Variants in KDELR3 observed in about 807,000 individuals in gnomAD.
KDELR3 encodes ER lumen protein-retaining receptor 3.
KDELR3 carries 26 observed loss-of-function variants against 22.7 expected under a neutral mutation model. The ratio of observed to expected loss-of-function variants is 1.15; its 90% confidence interval spans 0.84 to 1.59. The LOEUF is 1.59. Among genes scored for constraint, KDELR3 ranks in the 40% most tolerant of loss-of-function variants. KDELR3 has a pLI of 0.00. For missense variants in KDELR3, 289 were observed against 251.1 expected (o/e 1.15, Z -1.02); for synonymous variants, 120 against 98.2 (o/e 1.22, Z -1.31).
chr22:38,482,501 A>C lies in KDELR3; in HGVS notation c.610A>C (p.Lys204Gln). Reference protein sequence around the residue: ...FFYLYVTKVLKGKKLSLPMPI With the variant: ...FFYLYVTKVLQGKKLSLPMPI ...TCATCTCCATTTTCTTCCAGTCCTT[A>C]AGGGAAAGAAGTTAAGTCTTCCAAT... The change falls in exon 5 of 5, where the codon AAG becomes CAG. Residue 204 changes from lysine (K) to glutamine (Q), a missense_variant. Physicochemically the swap from Lys to Gln is moderately conservative, Grantham distance 53 (BLOSUM62 1). Coordinates refer to ENST00000216014, the MANE Select transcript of KDELR3 (RefSeq NM_006855.4). The C allele has an allele frequency of 6.2e-7, 1 of 1,611,960 alleles. No homozygotes were observed. The highest frequency in any genetic ancestry group is 8.5e-7 in the Non-Finnish European group (1 of 1,177,970).
chr22:38,468,173 G>A lies in KDELR3; in HGVS notation c.-61G>A. On this transcript the variant is annotated 5_prime_UTR_variant, in exon 1 of 5. Transcript: ENST00000216014. The stretch of plus-strand genomic sequence containing the variant: ...GGGCCGGAGACGTGGCAGCCGCCCT[G>A]CCCGCCAGAAAGTTTCCTAGAAGTT... 1 of 1,507,116 alleles carries A rather than the reference G, an allele frequency of 6.6e-7. No individual in the cohort carries two copies. Among genetic ancestry groups the A allele is most frequent in the Admixed American group, 1.7e-5 (1 of 57,990 alleles). 93.4% of individuals were successfully genotyped at this position (1,507,116 alleles called of 1,614,324 possible). A position where few individuals can be genotyped will look rare whatever the true frequency, so the allele number is the denominator to read the frequency against.
chr22:38,472,432 G>A (rs1337499474), intron 1 of KDELR3, among the ~76,000 whole-genome samples: 2 of 151,860 alleles, frequency 1.3e-5, no homozygotes, highest in Non-Finnish European at 2.9e-5. Context: ...AGTCGAGATC[G>A]CACCACTGCA....
At chr22:38,477,917 T>C (rs1191609878) in intron 2 of KDELR3, among the ~76,000 whole-genome samples, 1 of 152,178 alleles carries the variant, frequency 6.6e-6, no homozygotes, top group Non-Finnish European at 1.5e-5. Flanking sequence ...TCTACATTTA[T>C]GAAATGAAAA....
intron 1 of KDELR3, chr22:38,474,263 G>T: frequency 2.8e-6 from 1 of 356,592 alleles, no homozygotes; most frequent in Non-Finnish European, 5.2e-6. Context: ...CACGCAGGGG[G>T]ACTGGGAACT....
chr22:38,473,897 C>A (rs2089540599), intron 1 of KDELR3, among the ~76,000 whole-genome samples: 1 of 152,046 alleles, frequency 6.6e-6, no homozygotes. Context: ...TCACTTGAAC[C>A]CAGGAGGCAG....
chr22:38,471,497 C>A (rs2089524833), intron 1 of KDELR3, among the ~76,000 whole-genome samples: 1 of 152,200 alleles, frequency 6.6e-6, no homozygotes, highest in South Asian at 2.1e-4. Context: ...GTGCTAGACC[C>A]CCCAGAGGGA....
intron 4 of KDELR3, among the ~76,000 whole-genome samples, chr22:38,482,059 A>G (rs1198527220): frequency 1.3e-5 from 2 of 152,206 alleles, no homozygotes; most frequent in Non-Finnish European, 2.9e-5. Context: ...GGCTTGCACT[A>G]CATTCTGATT....
Position 38,481,408 on chromosome 22 carries a change from C to A in KDELR3, c.548C>A (p.Ser183Tyr). The A allele has an allele frequency of 1.2e-6, 2 of 1,614,154 alleles. No individual in the cohort carries two copies. The highest frequency in any genetic ancestry group is 1.7e-6 in the Non-Finnish European group (2 of 1,180,020). ...ENFYDQIAVV[S>Y]GVVQTIFYCD... ...TTCTATGACCAAATTGCAGTCGTGT[C>A]TGGAGTAGTACAAACCATCTTCTAC... Residue 183 changes from serine (S) to tyrosine (Y), a missense_variant, in exon 4 of 5, where the codon TCT (serine) becomes TAT (tyrosine). Coordinates refer to ENST00000216014, the MANE Select transcript of KDELR3 (RefSeq NM_006855.4).
chr22:38,473,248 C>T (rs1377554262), intron 1 of KDELR3, among the ~76,000 whole-genome samples: 1 of 152,030 alleles, frequency 6.6e-6, no homozygotes, highest in Non-Finnish European at 1.5e-5. Flanking sequence ...CATAGTGAAA[C>T]TCTGTCTCTA....
intron 3 of KDELR3, 84 bp from the exon 4 acceptor site, chr22:38,481,128 G>C (rs1308828072): frequency 1.6e-6 from 2 of 1,221,232 alleles, no homozygotes; most frequent in Admixed American, 2.3e-5. Flanking sequence ...TCTCCAGCAA[G>C]CTATTGTTTT....
chr22:38,481,280 G>C lies in KDELR3; in HGVS notation c.420G>C (p.Lys140Asn). ...TGCCCCAGCTCTTCATGATCAGCAA[G>C]ACTGGAGAGGCTGAGACCATAACTA... The part of the protein sequence containing the change: ...AILPQLFMIS[K>N]TGEAETITTH... Residue 140 changes from lysine (K) to asparagine (N), a missense_variant, in exon 4 of 5, where the codon AAG becomes AAC. By Grantham distance (94) the Lys-to-Asn change is moderately conservative. Coordinates refer to ENST00000216014, the MANE Select transcript of KDELR3 (RefSeq NM_006855.4). 1 of 1,614,186 alleles carries C rather than the reference G, an allele frequency of 6.2e-7. No individual in the cohort carries two copies.
rs1272341039 is a variant in KDELR3 at position 38,483,363 on chromosome 22, T to C, written c.*827T>C. On this transcript the variant is annotated 3_prime_UTR_variant, in exon 5 of 5. Coordinates refer to ENST00000216014, the MANE Select transcript of KDELR3 (RefSeq NM_006855.4). ...TCAGTCAATCCAATATCCCCCATCT[T>C]TGTCTTGAAACAAAAACTGTTTTAA... 1 of 152,246 alleles carries C rather than the reference T, an allele frequency of 6.6e-6. No individual in the cohort carries two copies. The highest frequency in any genetic ancestry group is 2.4e-5 in the African/African-American group (1 of 41,468). 9.4% of individuals were successfully genotyped at this position (152,246 alleles called of 1,614,324 possible). A position where few individuals can be genotyped will look rare whatever the true frequency, so the allele number is the denominator to read the frequency against.
At position 38,479,650 on chromosome 22, in the gene KDELR3, A is replaced by G; in HGVS notation, c.250A>G (p.Lys84Glu). ...TVYMIYGKFR[K>E]TFDSENDTFR... Reference sequence around the variant, plus strand: ...GTACATGATATATGGGAAATTCCGTAAAACTTTTGACAGTGAGAATGACAC... The same window carrying G: ...GTACATGATATATGGGAAATTCCGTGAAACTTTTGACAGTGAGAATGACAC... Residue 84 changes from lysine to glutamate, a missense_variant, in exon 3 of 5, where the codon AAA (lysine) becomes GAA (glutamate). Lys to Glu is a moderately conservative substitution (Grantham distance 56). Transcript: ENST00000216014. 6.2e-7 allele frequency: 1 copy of G among 1,614,072 alleles called. No homozygotes were observed. Among genetic ancestry groups the G allele is most frequent in the Non-Finnish European group, 8.5e-7 (1 of 1,179,908 alleles).
chr22:38,475,713 A>G (rs1602659565), intron 2 of KDELR3, among the ~76,000 whole-genome samples: 1 of 151,896 alleles, frequency 6.6e-6, no homozygotes, highest in Non-Finnish European at 1.5e-5. Context: ...TGCAGCCTCC[A>G]CCTCCTGGTT....
intron 3 of KDELR3, 55 bp downstream of exon 3, chr22:38,479,806 T>C: frequency 6.5e-7 from 1 of 1,549,692 alleles, no homozygotes; most frequent in Non-Finnish European, 8.9e-7. Context: ...CCCTGCATCC[T>C]TCCCTCCAGA....
Position 38,482,588 on chromosome 22 carries a change from T to C in KDELR3, c.*52T>C. 1 of 1,469,386 alleles carries C rather than the reference T, an allele frequency of 6.8e-7. No individual in the cohort carries two copies. The highest frequency in any genetic ancestry group is 9.5e-7 in the Non-Finnish European group (1 of 1,052,710). 91.0% of individuals were successfully genotyped at this position (1,469,386 alleles called of 1,614,324 possible). On this transcript the variant is annotated 3_prime_UTR_variant, in exon 5 of 5. Transcript: ENST00000216014. Reference sequence around the variant, plus strand: ...AACAAGCACATGAAGGAAACTATTTTGAATGTTCTCTTTGGCAACTTATCC... The same window carrying C: ...AACAAGCACATGAAGGAAACTATTTCGAATGTTCTCTTTGGCAACTTATCC...
intron 1 of KDELR3, among the ~76,000 whole-genome samples, chr22:38,471,706 G>A (rs1296206403): frequency 2.0e-5 from 3 of 152,208 alleles, no homozygotes; most frequent in Non-Finnish European, 4.4e-5. Flanking sequence ...GCTTACCCAT[G>A]TAATCCCAGC....
At chr22:38,480,741 A>G (rs2145970625) in intron 3 of KDELR3, among the ~76,000 whole-genome samples, 1 of 152,132 alleles carries the variant, frequency 6.6e-6, no homozygotes, top group African/African-American at 2.4e-5. Flanking sequence ...AGACAGAGCG[A>G]GACTCCATCT....
intron 4 of KDELR3, chr22:38,481,778 C>T: frequency 1.5e-6 from 1 of 667,928 alleles, no homozygotes; most frequent in Non-Finnish European, 2.2e-6. Flanking sequence ...GGACAAAAAG[C>T]CTAGTGGGGT....
Sources: gnomAD v4.1 joint callset for allele counts (sites outside exome capture counted in the v4.1 genomes callset) on GRCh38, gnomAD v4.1.1 for gene constraint, MANE v1.5 for transcripts, NCBI Gene and HGNC (gene_info 2026-07-23, HGNC 2026-07-21) for gene names.